Variants in CRCP observed in about 807,000 individuals in gnomAD.
CRCP encodes the protein CGRP receptor component, also known as DNA-directed RNA polymerase III subunit RPC9.
CRCP carries 18 observed loss-of-function variants against 18.5 expected under a neutral mutation model. That is an observed-to-expected ratio of 0.97 (90% confidence interval 0.67 to 1.44). The LOEUF is 1.44. CRCP is among the 40% of genes most tolerant of loss of function. CRCP has a pLI of 0.00. For missense variants in CRCP, 130 were observed against 176.4 expected, an observed-to-expected ratio of 0.74 and a Z score of 1.49; for synonymous variants, 53 against 62.9, an observed-to-expected ratio of 0.84 and a Z score of 0.75.
intron 5 of CRCP, among the ~76,000 whole-genome samples, chr7:66,150,356 A>AACTCTGTCTCAAAAAAAAAAAAG (rs1554334963): frequency 1.7e-4 from 25 of 151,508 alleles, no homozygotes; most frequent in African/African-American, 4.3e-4. Context: ...ACAAGAGTGA[A>AACTCTGTCTCAAAAAAAAAAAAG]GGGGGGGAGT....
chr7:66,129,633 G>T (rs1312126198), intron 2 of CRCP, among the ~76,000 whole-genome samples: 1 of 150,450 alleles, frequency 6.6e-6, no homozygotes, highest in African/African-American at 2.5e-5. Flanking sequence ...CTCTCTAAAG[G>T]CTCAGTCTTA....
chr7:66,145,507 G>A lies in CRCP; in HGVS notation c.297+7G>A. The A allele has an allele frequency of 6.2e-7, 1 of 1,613,906 alleles. No individual in the cohort carries two copies. The highest frequency in any genetic ancestry group is 1.7e-5 in the Admixed American group (1 of 60,022). On this transcript the variant is annotated splice_region_variant and intron_variant, in intron 5 of 5. Coordinates refer to ENST00000395326, the MANE Select transcript of CRCP (RefSeq NM_014478.5). ...TGCTGTGGAGATCCAGCTGGTGAGT[G>A]AAGGGCGCCTGTGCTGGGGAGGCTG...
rs80233434 is a variant in CRCP at position 66,116,886 on chromosome 7, C to T, written c.8+1916C>T. 6.1e-3 allele frequency among the ~76,000 whole-genome samples: 934 copies of T among 152,102 alleles called. 64 individuals carry two copies. In the East Asian group the frequency reaches 0.14, roughly 24 times the overall value. Reference sequence around the variant, plus strand: ...CTATAATCGCAGCACTTTAGGAGGCCGAAGTGGGCGAATCCCCTGAGGTCA... The same window carrying T: ...CTATAATCGCAGCACTTTAGGAGGCTGAAGTGGGCGAATCCCCTGAGGTCA... On this transcript the variant is annotated intron_variant, in intron 1 of 5. Coordinates refer to ENST00000395326, the MANE Select transcript of CRCP (RefSeq NM_014478.5).
chr7:66,145,277 A>T (rs193041250), intron 4 of CRCP, among the ~76,000 whole-genome samples, 166 bp from the exon 5 acceptor site: 24 of 152,314 alleles, frequency 1.6e-4, no homozygotes, highest in African/African-American at 5.3e-4. Context: ...AGTCACTCAC[A>T]TACACGCTCC....
upstream of CRCP, chr7:66,114,836 G>A (rs1318504657): frequency 6.3e-7 from 1 of 1,593,784 alleles, no homozygotes; most frequent in Non-Finnish European, 8.6e-7. Context: ...GGCATGCAGC[G>A]CGGCGATCCC....
At chr7:66,147,288 A>G (rs1009070194) in intron 5 of CRCP, among the ~76,000 whole-genome samples, 1 of 151,176 alleles carries the variant, frequency 6.6e-6, no homozygotes, top group Non-Finnish European at 1.5e-5. Context: ...GCAGTGAGCC[A>G]GGATTGCACC....
At chr7:66,142,992 A>G (rs1386448769) in intron 4 of CRCP, among the ~76,000 whole-genome samples, 1 of 152,204 alleles carries the variant, frequency 6.6e-6, no homozygotes, top group African/African-American at 2.4e-5. Context: ...CTTCAGAGTT[A>G]TAAAGGTACT....
chr7:66,152,463 C>A lies in CRCP; in HGVS notation c.*106C>A. 2.3e-6 allele frequency: 3 copies of A among 1,328,032 alleles called. No individual in the cohort carries two copies. The highest frequency in any genetic ancestry group is 3.1e-6 in the Non-Finnish European group (3 of 969,844). 82.3% of individuals were successfully genotyped at this position (1,328,032 alleles called of 1,614,324 possible). A position where few individuals can be genotyped will look rare whatever the true frequency, so the allele number is the denominator to read the frequency against. The stretch of plus-strand genomic sequence containing the variant: ...TGATTTTTATCCTCATCCCAGCAGG[C>A]CTGGCTTTGTGGTTAGTTGGGTACA... On this transcript the variant is annotated 3_prime_UTR_variant, in exon 6 of 6. Coordinates refer to ENST00000395326, the MANE Select transcript of CRCP (RefSeq NM_014478.5).
chr7:66,114,936 C>T lies in CRCP; in HGVS notation c.-27C>T, dbSNP rs1295919762. The T allele has an allele frequency of 6.2e-7, 1 of 1,611,758 alleles. No individual in the cohort carries two copies. Among genetic ancestry groups the T allele is most frequent in the Admixed American group, 1.7e-5 (1 of 59,910 alleles). ...AAGTGTGAGGTTCTTTGTCTGCTGG[C>T]AGCTAGGGGCGACGAGGCGGGACGT... On this transcript the variant is annotated 5_prime_UTR_variant, in exon 1 of 6. Transcript: ENST00000395326.
intron 1 of CRCP, among the ~76,000 whole-genome samples, chr7:66,115,902 CA>C (rs2115831666): frequency 6.6e-6 from 1 of 152,306 alleles, no homozygotes; most frequent in Non-Finnish European, 1.5e-5. Context: ...TGGACTCAAG[CA>C]ATCCTGCTTC....
At chr7:66,114,821 C>CTCCCGGCATGCAGCGCGGCGA, upstream of CRCP, 1 of 1,586,812 alleles carries the variant, frequency 6.3e-7, no homozygotes, top group African/African-American at 1.3e-5. Context: ...GTCCGCCAAG[C>CTCCCGGCATGCAGCGCGGCGA]TCCCGGCATG....
In CRCP at chr7:66,130,741, T is replaced by C; in HGVS notation, c.46-3T>C. 6.4e-7 allele frequency: 1 copy of C among 1,572,094 alleles called. No individual in the cohort carries two copies. The highest frequency in any genetic ancestry group is 8.7e-7 in the Non-Finnish European group (1 of 1,144,300). On this transcript the variant is annotated splice_polypyrimidine_tract_variant and splice_region_variant and intron_variant, in intron 2 of 5. Transcript: ENST00000395326. ...TAAACGTCTTTTTTGTATCTCCTCC[T>C]AGGTATTTCAGTTACTAACTGATCT...
At chr7:66,134,485 TA>T in intron 4 of CRCP, 111 bp downstream of exon 4, 2 of 765,674 alleles carry the variant, frequency 2.6e-6, no homozygotes, top group Non-Finnish European at 4.4e-6. Flanking sequence ...AAAGAAGGAT[TA>T]TAGTATTGGA....
At position 66,136,739 on chromosome 7, in the gene CRCP, A is replaced by C. The variant is rs2115973637; in HGVS notation, c.239+2365A>C. ...GAGATTCTGATTGGGATTGCCTTAC[A>C]TCTATAGGTCAGTTTTGGGGGAGAA... is the stretch of plus-strand genomic sequence containing the variant. On this transcript the variant is annotated intron_variant, in intron 4 of 5. Coordinates refer to ENST00000395326, the MANE Select transcript of CRCP (RefSeq NM_014478.5). 1.3e-5 allele frequency among the ~76,000 whole-genome samples: 2 copies of C among 152,084 alleles called. 1 individual carries two copies. The highest frequency in any genetic ancestry group is 6.8e-3 in the Middle Eastern group (2 of 294).
intron 4 of CRCP, among the ~76,000 whole-genome samples, chr7:66,136,997 C>G (rs959266942): frequency 6.6e-6 from 1 of 151,978 alleles, no homozygotes; most frequent in East Asian, 2.0e-4. Context: ...AGGAGAATCA[C>G]TTGAACCTGG....
At chr7:66,121,157 C>T (rs989781198) in intron 1 of CRCP, among the ~76,000 whole-genome samples, 7 of 151,688 alleles carry the variant, frequency 4.6e-5, no homozygotes, top group African/African-American at 1.7e-4. Context: ...TGACTGCAAC[C>T]TCCGCCTCCC....
chr7:66,135,161 T>TA (rs1787933756), intron 4 of CRCP, among the ~76,000 whole-genome samples: 2 of 152,290 alleles, frequency 1.3e-5, no homozygotes, highest in South Asian at 4.1e-4. Context: ...ACTTGGTTCT[T>TA]ACAGACGCAG....
At chr7:66,136,186 A>G (rs1787966172) in intron 4 of CRCP, among the ~76,000 whole-genome samples, 1 of 151,534 alleles carries the variant, frequency 6.6e-6, no homozygotes, top group South Asian at 2.1e-4. Context: ...AACGTCATAC[A>G]TCAAGAGTTT....
chr7:66,126,357 T>C (rs1787618193), intron 1 of CRCP, among the ~76,000 whole-genome samples: 1 of 60,998 alleles, frequency 1.6e-5, no homozygotes, highest in Admixed American at 1.9e-4. Flanking sequence ...GAGGTCTCTG[T>C]TGCACATTAC....
Sources: allele counts gnomAD v4.1 joint callset (sites outside exome capture counted in the v4.1 genomes callset), GRCh38; gene constraint gnomAD v4.1.1; transcripts MANE v1.5; gene names NCBI Gene and HGNC (gene_info 2026-07-23, HGNC 2026-07-21).